The following BLTP1 variants were observed in gnomAD, a reference collection of about 807,000 sequenced individuals.
The protein encoded by BLTP1 is fragile site-associated protein.
chr4:122,296,986 A>G, the BLTP1 span, among the ~76,000 whole-genome samples: 1 of 152,194 alleles, frequency 6.6e-6, no homozygotes, highest in Non-Finnish European at 1.5e-5. Context: ...AATCTAGACA[A>G]TACCATTTAG....
the BLTP1 span, among the ~76,000 whole-genome samples, chr4:122,157,801 A>G: frequency 1.3e-5 from 2 of 152,180 alleles, no homozygotes; most frequent in Admixed American, 6.5e-5. Flanking sequence ...TTTCAGTTAT[A>G]GTAATATTCT....
At chr4:122,353,775 G>T in the BLTP1 span, 1 of 1,575,754 alleles carries the variant, frequency 6.3e-7, no homozygotes, top group Non-Finnish European at 8.7e-7. This position sits in a 1 kb window ranked among gnomAD's most constrained non-coding sequence, Gnocchi z 4.3. Context: ...ATCTAAATAT[G>T]GTTTATTACT....
chr4:122,215,319 T>C, the BLTP1 span: 1 of 938,064 alleles, frequency 1.1e-6, no homozygotes, highest in Non-Finnish European at 1.3e-6. Flanking sequence ...AATCTAAATT[T>C]TTTTAAGATT....
chr4:122,173,200 ATGT>A, the BLTP1 span: 10 of 1,580,820 alleles, frequency 6.3e-6, no homozygotes, highest in Non-Finnish European at 4.3e-6. Flanking sequence ...TAATCTTGAG[ATGT>A]TGTCTTACCA....
At chr4:122,233,986 T>C in the BLTP1 span, among the ~76,000 whole-genome samples, 1 of 152,088 alleles carries the variant, frequency 6.6e-6, no homozygotes, top group Non-Finnish European at 1.5e-5. Flanking sequence ...TGTGAGGGTC[T>C]TGAGAATCCA....
chr4:122,234,516 CTTT>C, the BLTP1 span, among the ~76,000 whole-genome samples: 1 of 150,570 alleles, frequency 6.6e-6, no homozygotes, highest in Non-Finnish European at 1.5e-5. Context: ...ATGCTTTGGG[CTTT>C]TTAATGTATG....
At chr4:122,245,399 C>A in the BLTP1 span, among the ~76,000 whole-genome samples, 1 of 152,098 alleles carries the variant, frequency 6.6e-6, no homozygotes, top group African/African-American at 2.4e-5. Context: ...TAGTTCCAAG[C>A]CTTTTCTAAA....
At chr4:122,186,019 G>A in the BLTP1 span, 1 of 1,510,442 alleles carries the variant, frequency 6.6e-7, no homozygotes, top group Non-Finnish European at 8.9e-7. Flanking sequence ...AAATTTTTTT[G>A]TAATTGGTGT....
chr4:122,299,838 G>A, the BLTP1 span: 4 of 984,754 alleles, frequency 4.1e-6, no homozygotes, highest in East Asian at 3.4e-4. Flanking sequence ...GAGGCAGAGA[G>A]AAGTACTTAA....
At chr4:122,238,200 G>GTACGATCTC in the BLTP1 span, 1 of 1,614,010 alleles carries the variant, frequency 6.2e-7, no homozygotes, top group Non-Finnish European at 8.5e-7. Context: ...CGATCTCATA[G>GTACGATCTC]TTCATCCTCT....
the BLTP1 span, chr4:122,198,239 ATAAC>A: frequency 1.0e-6 from 1 of 982,096 alleles, no homozygotes; most frequent in Non-Finnish European, 1.2e-6. Context: ...ATTTTAGTGA[ATAAC>A]TAACCCTTAT....
the BLTP1 span, among the ~76,000 whole-genome samples, chr4:122,338,370 G>A: frequency 6.6e-6 from 1 of 152,034 alleles, no homozygotes; most frequent in African/African-American, 2.4e-5. Context: ...CAACTTGGGA[G>A]GCTGAGATGG....
chr4:122,219,667 T>C, the BLTP1 span: 31 of 768,074 alleles, frequency 4.0e-5, no homozygotes, highest in Admixed American at 1.7e-4. Context: ...GAAAATCAGA[T>C]TTAGAAACTT....
At chr4:122,292,269 A>G in the BLTP1 span, 4 of 857,028 alleles carry the variant, frequency 4.7e-6, no homozygotes, top group Non-Finnish European at 5.6e-6. Context: ...TGCCCAGCCC[A>G]TCAAACAGTT....
chr4:122,341,581 A>G, the BLTP1 span: 3 of 689,396 alleles, frequency 4.4e-6, no homozygotes, highest in African/African-American at 1.9e-5. Context: ...GAAATTTTTT[A>G]TGCCCAAATT....
chr4:122,335,398 T>C, the BLTP1 span, among the ~76,000 whole-genome samples: 4 of 152,100 alleles, frequency 2.6e-5, no homozygotes, highest in Non-Finnish European at 4.4e-5. Flanking sequence ...GGAATCTGGC[T>C]ACCATAGCAC....
At chr4:122,166,093 C>G in the BLTP1 span, among the ~76,000 whole-genome samples, 2 of 152,102 alleles carry the variant, frequency 1.3e-5, no homozygotes, top group African/African-American at 4.8e-5. Flanking sequence ...TCCCATTTGT[C>G]AATTTTGGCT....
At chr4:122,257,931 C>G in the BLTP1 span, among the ~76,000 whole-genome samples, 2 of 152,180 alleles carry the variant, frequency 1.3e-5, no homozygotes, top group Non-Finnish European at 2.9e-5. Context: ...GAATGAAACA[C>G]ATAAACCTCT....
At chr4:122,236,241 AC>A in the BLTP1 span, among the ~76,000 whole-genome samples, 1 of 152,174 alleles carries the variant, frequency 6.6e-6, no homozygotes, top group Non-Finnish European at 1.5e-5. Context: ...TGATTTTTTT[AC>A]TGAGTAGTAG....
Sources: allele counts gnomAD v4.1 joint callset (sites outside exome capture counted in the v4.1 genomes callset), GRCh38; gene constraint gnomAD v4.1.1; non-coding constraint Gnocchi (gnomAD v3.1); transcripts MANE v1.5; gene names NCBI Gene and HGNC (gene_info 2026-07-23, HGNC 2026-07-21).